The following NALCN variants were observed in gnomAD, a reference collection of about 807,000 sequenced individuals.
NALCN encodes the protein sodium leak channel, non-selective.
Under a neutral mutation model 225.3 loss-of-function variants are expected in NALCN, and 111 were observed. That is an observed-to-expected ratio of 0.49 (90% confidence interval 0.42 to 0.58). The LOEUF (loss-of-function observed/expected upper bound fraction) is 0.58. NALCN is among the 20% of genes least tolerant of loss of function. The pLI is 0.00. For synonymous variants in NALCN, 764 were observed against 769.0 expected, an observed-to-expected ratio of 0.99 and a Z score of 0.11; for missense variants, 1,378 against 2,202.4, an observed-to-expected ratio of 0.63 and a Z score of 7.49.
intron 22 of NALCN, among the ~76,000 whole-genome samples, chr13:101,106,329 T>C (rs746539786): frequency 1.3e-5 from 2 of 152,140 alleles, no homozygotes; most frequent in East Asian, 3.8e-4. Flanking sequence ...ACCGTATGGA[T>C]TTTGTGGAGG....
rs11336005 is a variant in NALCN at position 101,280,882 on chromosome 13, CTT to C, written c.1134+3049_1134+3050del. 3.0e-3 allele frequency among the ~76,000 whole-genome samples: 322 copies of C among 108,434 alleles called. 1 individual carries two copies. Among genetic ancestry groups the C allele is most frequent in the Middle Eastern group, 5.0e-3 (1 of 200 alleles). 71.1% of individuals were successfully genotyped at this position (108,434 alleles called of 152,430 possible). A position where few individuals can be genotyped will look rare whatever the true frequency, so the allele number is the denominator to read the frequency against. On this transcript the variant is annotated intron_variant, in intron 10 of 43. Coordinates refer to ENST00000251127, the MANE Select transcript of NALCN (RefSeq NM_052867.4). Reference sequence around the variant, plus strand: ...ATTCTTTTCCTCATTCTCTCTCTCTCTTTTTTTTTTTTTTTTGAGACAGAGTC... The same window carrying C: ...ATTCTTTTCCTCATTCTCTCTCTCTCTTTTTTTTTTTTTTGAGACAGAGTC...
intron 18 of NALCN, among the ~76,000 whole-genome samples, chr13:101,123,997 T>C (rs1382394733): frequency 1.3e-5 from 2 of 152,216 alleles, no homozygotes; most frequent in Admixed American, 6.5e-5. Flanking sequence ...ATGTAATATA[T>C]GTACCAATAA....
chr13:101,385,543 A>G (rs1231411494), intron 3 of NALCN, among the ~76,000 whole-genome samples: 2 of 152,220 alleles, frequency 1.3e-5, no homozygotes, highest in African/African-American at 4.8e-5. Flanking sequence ...AACCTAGAAG[A>G]ACCACCATAA....
intron 15 of NALCN, among the ~76,000 whole-genome samples, chr13:101,175,612 C>T (rs2038929147): frequency 3.3e-5 from 5 of 152,296 alleles, no homozygotes; most frequent in African/African-American, 2.4e-5. Context: ...CACCCATTGT[C>T]CCACTCTCTT....
chr13:101,324,341 A>G (rs1344581028), intron 7 of NALCN, among the ~76,000 whole-genome samples: 1 of 152,222 alleles, frequency 6.6e-6, no homozygotes, highest in Admixed American at 6.5e-5. Context: ...TAAAAAGAAC[A>G]AAAGAAACAC....
chr13:101,260,953 CA>C (rs2042404883), intron 10 of NALCN, among the ~76,000 whole-genome samples: 1 of 152,154 alleles, frequency 6.6e-6, no homozygotes, highest in Admixed American at 6.6e-5. Context: ...TTGCCCAGTC[CA>C]ATGTCCTGGA....
chr13:101,069,127 A>T (rs1023597789), intron 37 of NALCN, among the ~76,000 whole-genome samples: 2 of 152,242 alleles, frequency 1.3e-5, no homozygotes, highest in Non-Finnish European at 2.9e-5. Context: ...GCCCCAAGTG[A>T]TAAGTAGCCA....
At chr13:101,384,209 G>T (rs1330755653) in intron 3 of NALCN, among the ~76,000 whole-genome samples, 3 of 152,088 alleles carry the variant, frequency 2.0e-5, no homozygotes, top group East Asian at 3.9e-4. Context: ...ATGCCCAGTG[G>T]TACTCAAGAT....
At chr13:101,105,498 A>G (rs1368147290) in intron 22 of NALCN, among the ~76,000 whole-genome samples, 1 of 152,186 alleles carries the variant, frequency 6.6e-6, no homozygotes, top group African/African-American at 2.4e-5. Flanking sequence ...TGTGTCCCCA[A>G]TTACAACAGA....
chr13:101,118,463 C>T (rs927695533), intron 18 of NALCN, among the ~76,000 whole-genome samples: 1 of 151,980 alleles, frequency 6.6e-6, no homozygotes, highest in Non-Finnish European at 1.5e-5. Flanking sequence ...TTATATTTTG[C>T]CACTTTTAAA....
At chr13:101,373,078 T>C (rs56313970) in intron 6 of NALCN, 75,347 of 385,928 alleles carry the variant, frequency 0.2, 8,182 homozygotes, top group Non-Finnish European at 0.22. Flanking sequence ...TATTGACAAA[T>C]TATAAAAATA....
chr13:101,091,099 T>G (rs553107581), intron 28 of NALCN, among the ~76,000 whole-genome samples: 2 of 152,302 alleles, frequency 1.3e-5, no homozygotes, highest in Middle Eastern at 6.8e-3. Context: ...AGAAGAAGCT[T>G]TCAGTGGCTT....
At chr13:101,110,551 C>T in intron 20 of NALCN, 68 bp downstream of exon 20, 1 of 1,536,246 alleles carries the variant, frequency 6.5e-7, no homozygotes, top group South Asian at 1.1e-5. Context: ...TGGGCATTGT[C>T]TAAGCAGTCA....
chr13:101,230,576 C>A (rs2041304670), intron 12 of NALCN, among the ~76,000 whole-genome samples: 1 of 152,062 alleles, frequency 6.6e-6, no homozygotes, highest in Non-Finnish European at 1.5e-5. Context: ...TCTCTGAATC[C>A]TTTTTAAAAT....
chr13:101,258,156 A>G lies in NALCN; in HGVS notation c.1266+287T>C, dbSNP rs113318714. Among the ~76,000 whole-genome samples, 74 of 152,270 alleles carry G rather than the reference A, an allele frequency of 4.9e-4. 2 individuals are homozygous for G. Among genetic ancestry groups the G allele is most frequent in the African/African-American group, 1.7e-3 (71 of 41,562 alleles). ...ATGTACGCTGAGAAAGGGAGAGATAATAAGAGGTGGATAGGAAAACAGCAA... is the reference window on the plus strand; with the variant it reads ...ATGTACGCTGAGAAAGGGAGAGATAGTAAGAGGTGGATAGGAAAACAGCAA... On this transcript the variant is annotated intron_variant, in intron 11 of 43. Transcript: ENST00000251127.
At chr13:101,316,359 T>C (rs2044554806) in intron 7 of NALCN, among the ~76,000 whole-genome samples, 1 of 152,182 alleles carries the variant, frequency 6.6e-6, no homozygotes, top group Non-Finnish European at 1.5e-5. Context: ...TACCCAGACA[T>C]TTTATGTTCA....
chr13:101,211,745 T>C (rs1421064515), intron 13 of NALCN, among the ~76,000 whole-genome samples: 1 of 151,748 alleles, frequency 6.6e-6, no homozygotes, highest in Non-Finnish European at 1.5e-5. Context: ...GATAACAATC[T>C]GGCCTAAAGC....
chr13:101,258,425 C>CGGTGGAGAG lies in NALCN; in HGVS notation c.1266+9_1266+17dup. On this transcript the variant is annotated intron_variant, in intron 11 of 43. Coordinates refer to ENST00000251127, the MANE Select transcript of NALCN (RefSeq NM_052867.4). ...CCTGCTCCTTGCCCAGCGATCTGCA[C>CGGTGGAGAG]GGTGGAGAGCTGCTTACCTCCGCCA... 6.2e-7 allele frequency: 1 copy of CGGTGGAGAG among 1,613,824 alleles called. No individual in the cohort carries two copies. Among genetic ancestry groups the CGGTGGAGAG allele is most frequent in the Non-Finnish European group, 8.5e-7 (1 of 1,179,908 alleles).
chr13:101,324,104 G>GA (rs1167796118), intron 7 of NALCN, among the ~76,000 whole-genome samples: 3 of 152,110 alleles, frequency 2.0e-5, no homozygotes, highest in African/African-American at 7.2e-5. Context: ...CAACCAGAGG[G>GA]TAAAAAAATT....
Sources: gnomAD v4.1 joint callset for allele counts (sites outside exome capture counted in the v4.1 genomes callset) on GRCh38, gnomAD v4.1.1 for gene constraint, MANE v1.5 for transcripts, NCBI Gene and HGNC (gene_info 2026-07-23, HGNC 2026-07-21) for gene names.